Variants in DDX54 observed in about 807,000 individuals in gnomAD.
The protein encoded by DDX54 is ATP-dependent RNA helicase DDX54.
DDX54 carries 67 observed loss-of-function variants against 105.5 expected under a neutral mutation model. The observed-to-expected ratio is 0.64, with a 90% CI of 0.52 to 0.78. The LOEUF (loss-of-function observed/expected upper bound fraction) is 0.78, where lower values mean the gene tolerates loss of function less well. DDX54 is among the 30% of genes least tolerant of loss of function. DDX54 has a pLI of 0.00. For synonymous variants in DDX54, 514 were observed against 509.9 expected (o/e 1.01, Z -0.11); for missense variants, 1,206 against 1,230.5 (o/e 0.98, Z 0.30).
At chr12:113,168,306 C>T (rs1952299244) in intron 12 of DDX54, among the ~76,000 whole-genome samples, 1 of 152,214 alleles carries the variant, frequency 6.6e-6, no homozygotes, top group African/African-American at 2.4e-5. Context: ...GGGCTGCGCT[C>T]TCTGCTGACC....
At position 113,172,489 on chromosome 12, in the gene DDX54, G is replaced by A. The variant is rs75658961; in HGVS notation, c.1143C>T (p.Leu381=). ...AGCACTTGCCAAGCGTGAATTTGGC[G>A]AGATTGATCTTGCGGGCTGTCGGGT... ...ALDPTARKIN[L]AKFTLGKCST... The change falls in exon 11 of 20, where the codon CTC becomes CTT. Residue 381 remains leucine (L), a synonymous_variant. Transcript: ENST00000306014. 12,161 of 1,614,254 alleles carry A rather than the reference G, an allele frequency of 7.5e-3. 682 individuals are homozygous for A. The East Asian group carries it at 0.16, about 22-fold the overall frequency.
chr12:113,165,514 T>C (rs1029476262), intron 14 of DDX54, 130 bp downstream of exon 14: 3 of 953,062 alleles, frequency 3.1e-6, no homozygotes, highest in African/African-American at 1.7e-5. Flanking sequence ...GGGGTCCTGC[T>C]GGGGGTCAGG....
intron 1 of DDX54, 30 bp downstream of exon 1, chr12:113,185,248 C>T (rs1019957309): frequency 6.8e-7 from 1 of 1,478,726 alleles, no homozygotes; most frequent in Admixed American, 2.3e-5. Flanking sequence ...GTCTCGGGCC[C>T]GAACATGCGT....
intron 12 of DDX54, 43 bp downstream of exon 12, chr12:113,169,727 T>C (rs1172881175): frequency 2.5e-6 from 4 of 1,600,554 alleles, no homozygotes; most frequent in Non-Finnish European, 3.4e-6. Flanking sequence ...ACAGGGCCCA[T>C]GAACTCCACG....
At chr12:113,181,098 C>T (rs761139327) in intron 1 of DDX54, 40 bp from the exon 2 acceptor site, 4 of 1,590,070 alleles carry the variant, frequency 2.5e-6, no homozygotes, top group Non-Finnish European at 3.4e-6. Context: ...ACTCCAGGCA[C>T]AGTGGGACCA....
At chr12:113,181,174 C>G (rs1395474221) in intron 1 of DDX54, 116 bp from the exon 2 acceptor site, 18 of 1,281,072 alleles carry the variant, frequency 1.4e-5, no homozygotes, top group Non-Finnish European at 1.8e-5. Context: ...GATGCTTCCG[C>G]CAGATCACGT....
chr12:113,179,991 C>G lies in DDX54; in HGVS notation c.319G>C (p.Val107Leu). 1 of 1,614,108 alleles carries G rather than the reference C, an allele frequency of 6.2e-7. No homozygotes were observed. Among genetic ancestry groups the G allele is most frequent in the South Asian group, 1.1e-5 (1 of 91,068 alleles). ...GFQSMGLSYP[V>L]FKGIMKKGYK... Reference sequence around the variant, plus strand: ...CCCTTCTTCATGATGCCTTTGAACACCGGGTAGCTCAGGCCTGGGAGAGAC... The same window carrying G: ...CCCTTCTTCATGATGCCTTTGAACAGCGGGTAGCTCAGGCCTGGGAGAGAC... The change falls in exon 3 of 20, where the codon GTG (valine) becomes CTG (leucine). Residue 107 changes from valine (V) to leucine (L), a missense_variant. By Grantham distance (32) the Val-to-Leu change is conservative. Transcript: ENST00000306014.
intron 10 of DDX54, among the ~76,000 whole-genome samples, chr12:113,172,870 CA>C (rs532641013): frequency 1.4e-4 from 21 of 152,358 alleles, no homozygotes; most frequent in African/African-American, 5.1e-4. Context: ...CTGCTACAAA[CA>C]AGCTGTGTGA....
intron 18 of DDX54, 65 bp downstream of exon 18, chr12:113,161,828 A>T: frequency 2.9e-6 from 1 of 343,296 alleles, no homozygotes; most frequent in Non-Finnish European, 4.6e-6. Context: ...GGTTCCACTT[A>T]ATTGAAGCTG....
chr12:113,160,786 ACTC>A (rs1952194245), intron 19 of DDX54, among the ~76,000 whole-genome samples: 1 of 152,144 alleles, frequency 6.6e-6, no homozygotes, highest in Non-Finnish European at 1.5e-5. Context: ...AAAGAACGTC[ACTC>A]CTAAGGATGC....
In DDX54 at chr12:113,179,166, G is replaced by A. The variant is rs150825984; in HGVS notation, c.541C>T (p.Gln181Ter). 5.6e-6 allele frequency: 9 copies of A among 1,614,120 alleles called. No individual in the cohort carries two copies. The highest frequency in any genetic ancestry group is 7.6e-6 in the Non-Finnish European group (9 of 1,180,002). Residue 181 changes from glutamine (Q) to a stop codon, truncating the protein, a stop_gained, in exon 4 of 20, where the codon CAG becomes TAG. Coordinates refer to ENST00000306014, the MANE Select transcript of DDX54 (RefSeq NM_024072.4). LOFTEE classifies it high-confidence loss of function. ...ILSPTRELAL[Q>*]TLKFTKELGK... ...ACCTCCTTAGTGAACTTCAGGGTCT[G>A]CAGGGCCAGCTCTCGGGTCGGCGAG...
At chr12:113,167,853 C>A in intron 12 of DDX54, 1 of 467,710 alleles carries the variant, frequency 2.1e-6, no homozygotes, top group Non-Finnish European at 4.3e-6. Context: ...CTGTACGGGG[C>A]TGCGTGCTGC....
intron 14 of DDX54, among the ~76,000 whole-genome samples, chr12:113,165,081 G>A (rs932090632): frequency 6.6e-6 from 1 of 152,168 alleles, no homozygotes; most frequent in Non-Finnish European, 1.5e-5. Context: ...ATGGTCACAT[G>A]CTAGGAAAAG....
chr12:113,171,837 G>T (rs529448594), intron 11 of DDX54, among the ~76,000 whole-genome samples: 1 of 152,128 alleles, frequency 6.6e-6, no homozygotes, highest in Admixed American at 6.6e-5. Flanking sequence ...CAGCTGTTCC[G>T]TGACTTACGA....
At chr12:113,172,843 C>G (rs1162280206) in intron 10 of DDX54, among the ~76,000 whole-genome samples, 1 of 152,224 alleles carries the variant, frequency 6.6e-6, no homozygotes. Flanking sequence ...CCTCAGTGCA[C>G]AAGCCTTATC....
chr12:113,161,630 C>A, intron 18 of DDX54: 2 of 555,270 alleles, frequency 3.6e-6, no homozygotes, highest in Admixed American at 3.1e-5. Context: ...CCAGCACAGG[C>A]CCCACTTACT....
chr12:113,172,359 G>C lies in DDX54; in HGVS notation c.1273C>G (p.Arg425Gly), dbSNP rs753775513. The C allele has an allele frequency of 6.2e-7, 1 of 1,613,642 alleles. No individual in the cohort carries two copies. The highest frequency in any genetic ancestry group is 8.5e-7 in the Non-Finnish European group (1 of 1,179,860). ...FPAKGKLFLH[R>G]VGRVARAGRS... is the part of the protein sequence containing the mutation. ...CCAGCCACGGGCTGCTTACCCACGC[G>C]GTGCAGGAAGAGTTTGCCCTTGGCG... The change falls in exon 11 of 20, where the codon CGC becomes GGC. Residue 425 changes from arginine (R) to glycine (G), a missense_variant. By Grantham distance (125) the Arg-to-Gly change is moderately radical. Coordinates refer to ENST00000306014, the MANE Select transcript of DDX54 (RefSeq NM_024072.4).
At position 113,179,128 on chromosome 12, in the gene DDX54, C is replaced by T; in HGVS notation, c.564+15G>A. 1.2e-6 allele frequency: 2 copies of T among 1,613,672 alleles called. No individual in the cohort carries two copies. Among genetic ancestry groups the T allele is most frequent in the Non-Finnish European group, 1.7e-6 (2 of 1,179,724 alleles). ...TCAGCCCTTGCCTCCAGCCTCTAGC[C>T]AAGCTCAGACACACCTCCTTAGTGA... On this transcript the variant is annotated intron_variant, in intron 4 of 19. Coordinates refer to ENST00000306014, the MANE Select transcript of DDX54 (RefSeq NM_024072.4).
At chr12:113,166,304 A>G (rs915772027) in intron 12 of DDX54, among the ~76,000 whole-genome samples, 3 of 152,122 alleles carry the variant, frequency 2.0e-5, no homozygotes, top group African/African-American at 7.2e-5. Flanking sequence ...TTGCTTACGC[A>G]TGGTCTCCAG....
Sources: allele counts gnomAD v4.1 joint callset (sites outside exome capture counted in the v4.1 genomes callset), GRCh38; gene constraint gnomAD v4.1.1; transcripts MANE v1.5; gene names NCBI Gene and HGNC (gene_info 2026-07-23, HGNC 2026-07-21).